PSMA1: variants seen among roughly 807,000 people sequenced by gnomAD.
PSMA1 encodes the protein proteasome 20S subunit alpha 1, also known as proteasome subunit alpha type-1.
PSMA1 carries 3 observed loss-of-function variants against 38.4 expected under a neutral mutation model. The observed-to-expected ratio is 0.08, with a 90% confidence interval of 0.04 to 0.20. The LOEUF is 0.20. PSMA1 is among the 10% of genes least tolerant of loss of function. The pLI is 1.00. For missense variants in PSMA1, 227 were observed against 325.3 expected (o/e 0.70, Z 2.32); for synonymous variants, 101 against 107.1 (o/e 0.94, Z 0.35).
At chr11:14,635,743 C>T (rs987176232) in intron 1 of PSMA1, among the ~76,000 whole-genome samples, 2 of 152,046 alleles carry the variant, frequency 1.3e-5, no homozygotes, top group African/African-American at 4.8e-5. Flanking sequence ...AGAAAAAAAG[C>T]AGAATAAGGT....
chr11:14,568,421 G>A (rs1476711818), intron 2 of PSMA1, among the ~76,000 whole-genome samples: 1 of 152,198 alleles, frequency 6.6e-6, no homozygotes, highest in Non-Finnish European at 1.5e-5. Context: ...GCTACATTAG[G>A]GCTGGGATAG....
intron 1 of PSMA1, among the ~76,000 whole-genome samples, chr11:14,638,296 C>T (rs1853136176): frequency 6.6e-6 from 1 of 151,946 alleles, no homozygotes; most frequent in Admixed American, 6.6e-5. Context: ...TTATTTACTC[C>T]TATTTGCAAT....
At chr11:14,642,120 C>T (rs1183292674) in intron 1 of PSMA1, among the ~76,000 whole-genome samples, 1 of 152,134 alleles carries the variant, frequency 6.6e-6, no homozygotes, top group Non-Finnish European at 1.5e-5. Flanking sequence ...TGCACACACA[C>T]ACACCTGTTA....
Position 14,520,331 on chromosome 11 carries a change from G to A in PSMA1, c.-32C>T. ...GGCGCGGGCCTGGTTGCGGCCTCCAGCAAAACTGAGAATCAAGGAGGTGCT... is the reference window on the plus strand; with the variant it reads ...GGCGCGGGCCTGGTTGCGGCCTCCAACAAAACTGAGAATCAAGGAGGTGCT... On this transcript the variant is annotated 5_prime_UTR_variant, in exon 1 of 10. Coordinates refer to ENST00000396394, the MANE Select transcript of PSMA1 (RefSeq NM_002786.4). The A allele has an allele frequency of 6.2e-7, 1 of 1,614,230 alleles. No homozygotes were observed. Among genetic ancestry groups the A allele is most frequent in the Non-Finnish European group, 8.5e-7 (1 of 1,180,034 alleles).
At chr11:14,630,704 C>T (rs2133718690) in intron 1 of PSMA1, among the ~76,000 whole-genome samples, 1 of 151,922 alleles carries the variant, frequency 6.6e-6, no homozygotes, top group East Asian at 1.9e-4. Context: ...AGGATTCCCT[C>T]TTTTTCTATT....
intron 2 of PSMA1, among the ~76,000 whole-genome samples, chr11:14,594,426 G>C (rs1020538967): frequency 6.6e-6 from 1 of 152,082 alleles, no homozygotes; most frequent in African/African-American, 2.4e-5. Flanking sequence ...GGAAGGGGGG[G>C]GTTCAGCTTT....
At chr11:14,531,791 A>G (rs1851650144) in intron 2 of PSMA1, among the ~76,000 whole-genome samples, 1 of 152,112 alleles carries the variant, frequency 6.6e-6, no homozygotes, top group Admixed American at 6.6e-5. Flanking sequence ...ATAGTATTCT[A>G]TGGTACTTTA....
chr11:14,583,305 A>C (rs1051525213), intron 2 of PSMA1, among the ~76,000 whole-genome samples: 8 of 152,200 alleles, frequency 5.3e-5, no homozygotes, highest in African/African-American at 1.9e-4. Context: ...ATGAGGCCTA[A>C]ATTATGAATA....
At chr11:14,635,685 C>T (rs1010471453) in intron 1 of PSMA1, among the ~76,000 whole-genome samples, 3 of 152,002 alleles carry the variant, frequency 2.0e-5, no homozygotes, top group South Asian at 2.1e-4. Flanking sequence ...ATCTTACCAT[C>T]GGAATCTTTT....
At chr11:14,528,908 C>T (rs1011882252) in intron 2 of PSMA1, among the ~76,000 whole-genome samples, 1 of 152,136 alleles carries the variant, frequency 6.6e-6, no homozygotes. Flanking sequence ...ACTCCACTGC[C>T]TATCCCAAAA....
intron 1 of PSMA1, among the ~76,000 whole-genome samples, chr11:14,623,635 T>C (rs540497751): frequency 2.0e-5 from 3 of 152,292 alleles, no homozygotes; most frequent in African/African-American, 4.8e-5. Flanking sequence ...GAAGAGATTG[T>C]GAACAGTGAA....
chr11:14,584,505 T>G (rs987483397), intron 2 of PSMA1, among the ~76,000 whole-genome samples: 93 of 149,630 alleles, frequency 6.2e-4, no homozygotes, highest in African/African-American at 1.8e-3. Context: ...TTTTTGTTTT[T>G]TGTTTTTTTT....
chr11:14,570,663 A>G (rs1852128354), intron 2 of PSMA1, among the ~76,000 whole-genome samples: 1 of 152,228 alleles, frequency 6.6e-6, no homozygotes, highest in South Asian at 2.1e-4. Context: ...AAAAAAGACT[A>G]AAAAGAAACA....
In PSMA1 at chr11:14,520,343, A is replaced by C. The variant is rs1589981371; in HGVS notation, c.-44T>G. On this transcript the variant is annotated 5_prime_UTR_variant, in exon 1 of 10. Coordinates refer to ENST00000396394, the MANE Select transcript of PSMA1 (RefSeq NM_002786.4). ...GTTGCGGCCTCCAGCAAAACTGAGA[A>C]TCAAGGAGGTGCTGCCGAAAGTATC... 6.2e-7 allele frequency: 1 copy of C among 1,614,226 alleles called. No homozygotes were observed. Among genetic ancestry groups the C allele is most frequent in the East Asian group, 2.2e-5 (1 of 44,886 alleles).
chr11:14,525,953 T>C (rs1028906560), intron 2 of PSMA1, among the ~76,000 whole-genome samples: 7 of 152,198 alleles, frequency 4.6e-5, no homozygotes, highest in Admixed American at 1.3e-4. Flanking sequence ...CCTTTGAATC[T>C]TCTCAACAAG....
In PSMA1 at chr11:14,639,206, T is replaced by C. The variant is rs369894567; in HGVS notation, c.-166+4249A>G. Among the ~76,000 whole-genome samples the C allele has an allele frequency of 3.9e-5, 6 of 152,320 alleles. No homozygotes were observed. The East Asian group carries it at 9.6e-4, about 24-fold the overall frequency. On this transcript the variant is annotated intron_variant, in intron 1 of 10. Transcript: ENST00000418988. ...ACACATCTCTGAAACATTTATTTTA[T>C]GTTGAAAGTGAAATACGACATAAAC...
intron 1 of PSMA1, among the ~76,000 whole-genome samples, chr11:14,633,236 T>G (rs1305742963): frequency 1.3e-5 from 2 of 152,016 alleles, no homozygotes; most frequent in Middle Eastern, 3.4e-3. Context: ...TTTCCAGTTT[T>G]TCTGTTCTGT....
upstream of PSMA1, chr11:14,520,802 C>T (rs899048423): frequency 2.4e-5 from 4 of 168,144 alleles, no homozygotes; most frequent in African/African-American, 9.6e-5. Context: ...CAGCTGTATT[C>T]TTCCTCGAGT....
intron 2 of PSMA1, among the ~76,000 whole-genome samples, chr11:14,599,309 C>T (rs1211926228): frequency 6.6e-6 from 1 of 152,140 alleles, no homozygotes; most frequent in African/African-American, 2.4e-5. Context: ...GGGAAGTTCT[C>T]CTGGATAATA....
Sources: allele counts gnomAD v4.1 joint callset (sites outside exome capture counted in the v4.1 genomes callset), GRCh38; gene constraint gnomAD v4.1.1; transcripts MANE v1.5; gene names NCBI Gene and HGNC (gene_info 2026-07-23, HGNC 2026-07-21).